The following USP25 variants were observed in gnomAD, a reference collection of about 807,000 sequenced individuals.
USP25 encodes ubiquitin carboxyl-terminal hydrolase 25.
Under a neutral mutation model 158.5 loss-of-function variants are expected in USP25, and 85 were observed. That is an observed-to-expected ratio of 0.54 (90% CI 0.45 to 0.64). The LOEUF (loss-of-function observed/expected upper bound fraction) is 0.64. USP25 is among the 30% of genes least tolerant of loss of function. USP25 has a pLI of 0.00. For synonymous variants in USP25, 464 were observed against 460.4 expected (o/e 1.01, Z -0.10); for missense variants, 1,242 against 1,327.3 (o/e 0.94, Z 1.00).
chr21:15,797,035 T>G (rs1348873846), intron 5 of USP25, among the ~76,000 whole-genome samples: 2 of 151,428 alleles, frequency 1.3e-5, no homozygotes, highest in Non-Finnish European at 3.0e-5. Context: ...TTTAGCAGCA[T>G]TATTAGACAC....
intron 1 of USP25, among the ~76,000 whole-genome samples, chr21:15,740,639 C>CTATTTTTTTT (rs2031950062): frequency 2.7e-5 from 1 of 37,388 alleles, no homozygotes; most frequent in East Asian, 1.1e-3. Flanking sequence ...TTCTTTCTGG[C>CTATTTTTTTT]TGTTTTTTTT....
At chr21:15,861,917 A>T (rs993796079) in intron 20 of USP25, among the ~76,000 whole-genome samples, 1 of 152,122 alleles carries the variant, frequency 6.6e-6, no homozygotes, top group Non-Finnish European at 1.5e-5. Context: ...TGACTTTGGC[A>T]ATTTGCTTGT....
At chr21:15,771,653 C>T (rs569092103) in intron 3 of USP25, among the ~76,000 whole-genome samples, 2 of 151,936 alleles carry the variant, frequency 1.3e-5, no homozygotes, top group South Asian at 4.2e-4. Flanking sequence ...TATTTCCATT[C>T]TTCTGGTGGT....
intron 5 of USP25, among the ~76,000 whole-genome samples, chr21:15,794,468 C>A (rs1050573261): frequency 1.3e-5 from 2 of 151,538 alleles, no homozygotes; most frequent in African/African-American, 2.4e-5. Flanking sequence ...CAGCTGTTCC[C>A]CACTAGGGTG....
At chr21:15,850,793 T>A (rs1055376977) in intron 20 of USP25, among the ~76,000 whole-genome samples, 2 of 152,032 alleles carry the variant, frequency 1.3e-5, no homozygotes, top group Non-Finnish European at 2.9e-5. Flanking sequence ...AGTAGACCTA[T>A]CAATAAGCAT....
At chr21:15,769,398 T>A (rs1368436950) in intron 3 of USP25, among the ~76,000 whole-genome samples, 1 of 152,136 alleles carries the variant, frequency 6.6e-6, no homozygotes, top group Admixed American at 6.6e-5. Context: ...TCTGTTGAAT[T>A]CTGGAAAAAA....
chr21:15,814,258 A>T (rs1441669803), intron 9 of USP25, among the ~76,000 whole-genome samples: 1 of 151,122 alleles, frequency 6.6e-6, no homozygotes, highest in African/African-American at 2.4e-5. Context: ...AGCCATGTGG[A>T]ACTGTAAGTC....
chr21:15,758,706 G>A (rs1235748782), intron 1 of USP25, among the ~76,000 whole-genome samples: 2 of 152,172 alleles, frequency 1.3e-5, no homozygotes, highest in Non-Finnish European at 2.9e-5. Context: ...ATTGTCAGAG[G>A]CCTGACAATC....
At chr21:15,794,476 G>T (rs2035757122) in intron 5 of USP25, among the ~76,000 whole-genome samples, 1 of 151,596 alleles carries the variant, frequency 6.6e-6, no homozygotes, top group Admixed American at 6.6e-5. Flanking sequence ...CCCCACTAGG[G>T]TGTCACTGAA....
chr21:15,772,037 C>G (rs2034388166), intron 3 of USP25, among the ~76,000 whole-genome samples: 1 of 152,062 alleles, frequency 6.6e-6, no homozygotes, highest in Non-Finnish European at 1.5e-5. Flanking sequence ...GCCAACTAGG[C>G]TTTTGTGAAC....
At chr21:15,781,299 A>G (rs1300204700) in intron 4 of USP25, among the ~76,000 whole-genome samples, 3 of 151,908 alleles carry the variant, frequency 2.0e-5, no homozygotes, top group Non-Finnish European at 4.4e-5. Flanking sequence ...CTTAATTTGT[A>G]CTCTGTATAC....
chr21:15,790,920 A>G (rs894810212), intron 4 of USP25, among the ~76,000 whole-genome samples: 2 of 151,950 alleles, frequency 1.3e-5, no homozygotes, highest in Admixed American at 6.6e-5. Flanking sequence ...ATTTCATTAA[A>G]TTTTCCCAAA....
At chr21:15,814,933 G>A (rs2036858092) in intron 9 of USP25, among the ~76,000 whole-genome samples, 1 of 152,128 alleles carries the variant, frequency 6.6e-6, no homozygotes, top group Non-Finnish European at 1.5e-5. Context: ...ATGTCTCCAG[G>A]ATATGTTATA....
At position 15,875,524 on chromosome 21, in the gene USP25, G is replaced by A. The variant is rs1358684041; in HGVS notation, c.3009+998G>A. Among the ~76,000 whole-genome samples the A allele has an allele frequency of 1.3e-5, 2 of 152,196 alleles. No individual in the cohort carries two copies. The highest frequency in any genetic ancestry group is 2.4e-5 in the African/African-American group (1 of 41,448). ...TCCTGTCCTCAGAAAACTCAGTCTG[G>A]TAGGAGACATAATTGTTTGTTCTGG... On this transcript the variant is annotated intron_variant, in intron 24 of 25. Coordinates refer to ENST00000400183, the MANE Select transcript of USP25 (RefSeq NM_001283041.3). This position sits in a 1 kb window ranked among gnomAD's most constrained non-coding sequence, Gnocchi z 4.7.
Position 15,826,186 on chromosome 21 carries a change from A to G in USP25, c.1305-18A>G. 6.2e-7 allele frequency: 1 copy of G among 1,612,654 alleles called. No individual in the cohort carries two copies. The highest frequency in any genetic ancestry group is 8.5e-7 in the Non-Finnish European group (1 of 1,179,074). Reference sequence around the variant, plus strand: ...TGTATATAGAAATAAAAGCATTTGTACATTTTATGATTAACAGATATTTAA... The same window carrying G: ...TGTATATAGAAATAAAAGCATTTGTGCATTTTATGATTAACAGATATTTAA... On this transcript the variant is annotated intron_variant, in intron 12 of 25. Transcript: ENST00000400183. This position sits in a 1 kb window ranked among gnomAD's most constrained non-coding sequence, Gnocchi z 4.8.
intron 5 of USP25, among the ~76,000 whole-genome samples, chr21:15,793,848 T>C (rs1029558437): frequency 9.2e-5 from 14 of 151,824 alleles, no homozygotes; most frequent in African/African-American, 2.9e-4. Flanking sequence ...CTTTTAACTT[T>C]TATCTTTGGT....
rs2035588823 is a variant in USP25 at position 15,791,489 on chromosome 21, A to G, written c.393-13A>G. The stretch of plus-strand genomic sequence containing the variant: ...ATTATATAATGCTGCATTTTTTTCC[A>G]CCATTGATTAAGAGTTCTTGAAGCC... On this transcript the variant is annotated splice_polypyrimidine_tract_variant and intron_variant, in intron 4 of 25. Coordinates refer to ENST00000400183, the MANE Select transcript of USP25 (RefSeq NM_001283041.3). 1.9e-6 allele frequency: 3 copies of G among 1,587,868 alleles called. No homozygotes were observed. The highest frequency in any genetic ancestry group is 1.2e-5 in the South Asian group (1 of 85,922).
At chr21:15,856,535 A>G (rs949134021) in intron 20 of USP25, among the ~76,000 whole-genome samples, 60 of 151,314 alleles carry the variant, frequency 4.0e-4, no homozygotes, top group African/African-American at 1.3e-3. Context: ...GCAGTGGCGC[A>G]GTCTCGGCTC....
intron 22 of USP25, 142 bp downstream of exon 22, chr21:15,866,486 A>G (rs1457082809): frequency 4.4e-6 from 2 of 457,558 alleles, no homozygotes; most frequent in East Asian, 3.7e-5. Flanking sequence ...ATGCTCAAGT[A>G]ATTAATAATT....
Sources: gnomAD v4.1 joint callset for allele counts (sites outside exome capture counted in the v4.1 genomes callset) on GRCh38, gnomAD v4.1.1 for gene constraint, Gnocchi (gnomAD v3.1) non-coding constraint, MANE v1.5 for transcripts, NCBI Gene and HGNC (gene_info 2026-07-23, HGNC 2026-07-21) for gene names.